LIPA: variants seen among roughly 807,000 people sequenced by gnomAD.
LIPA encodes the protein lipase A, lysosomal acid type, also known as lysosomal acid lipase/cholesteryl ester hydrolase.
In LIPA, 26 loss-of-function variants were observed where a neutral mutation model predicts 40.6. The ratio of observed to expected loss-of-function variants is 0.64; its 90% CI spans 0.47 to 0.89. The LOEUF (loss-of-function observed/expected upper bound fraction) is 0.89, where lower values mean the gene tolerates loss of function less well. Among genes scored for constraint, LIPA ranks in the 40% least tolerant of loss-of-function variants. The pLI is 0.00. For synonymous variants in LIPA, 188 were observed against 168.4 expected (o/e 1.12, Z -0.90); for missense variants, 455 against 479.6 (o/e 0.95, Z 0.48).
intron 1 of LIPA, chr10:89,284,306 T>A (rs2091369246): frequency 6.6e-6 from 1 of 152,250 alleles, no homozygotes; most frequent in African/African-American, 2.4e-5. Flanking sequence ...TGAGGCTATA[T>A]TCATCATAGA....
At chr10:89,331,924 C>T (rs986218371) in intron 1 of LIPA, among the ~76,000 whole-genome samples, 1 of 150,282 alleles carries the variant, frequency 6.7e-6, no homozygotes, top group Non-Finnish European at 1.5e-5. Flanking sequence ...ATGAGGTCTA[C>T]GTTTTAATAA....
intron 1 of LIPA, among the ~76,000 whole-genome samples, chr10:89,322,984 C>T (rs1316616310): frequency 6.6e-6 from 1 of 152,180 alleles, no homozygotes; most frequent in African/African-American, 2.4e-5. Context: ...CTCCTGTTGT[C>T]CTGGGAAACA....
chr10:89,396,991 T>C lies in LIPA; in HGVS notation c.61+15800A>G, dbSNP rs1336488679. 6.6e-5 allele frequency among the ~76,000 whole-genome samples: 10 copies of C among 152,356 alleles called. No individual in the cohort carries two copies. In the East Asian group the frequency reaches 1.9e-3, roughly 29 times the overall value. On this transcript the variant is annotated intron_variant, in intron 2 of 8. Coordinates refer to the LIPA transcript ENST00000371837. ...ATTTCTCCATACATGAGTAATCACA[T>C]ACATACAAATATATAAGGATTTGGT...
chr10:89,303,704 C>A lies in LIPA; in HGVS notation c.-2+38907G>T, dbSNP rs188366829. Among the ~76,000 whole-genome samples, 23 of 152,258 alleles carry A rather than the reference C, an allele frequency of 1.5e-4. 1 individual carries two copies. The highest frequency in any genetic ancestry group is 5.5e-4 in the African/African-American group (23 of 41,544). On this transcript the variant is annotated intron_variant, in intron 1 of 5. Transcript: ENST00000282673. Reference sequence around the variant, plus strand: ...TTTATGTTTTATATGGTGGAGATAACCTCAATTCTATTTACTCTCTCTGTT... The same window carrying A: ...TTTATGTTTTATATGGTGGAGATAAACTCAATTCTATTTACTCTCTCTGTT...
chr10:89,401,951 T>C (rs1844431660), intron 2 of LIPA, among the ~76,000 whole-genome samples: 1 of 152,226 alleles, frequency 6.6e-6, no homozygotes, highest in Admixed American at 6.5e-5. Flanking sequence ...AACTCTTATA[T>C]AGCATATAAT....
intron 1 of LIPA, among the ~76,000 whole-genome samples, chr10:89,317,710 C>T (rs889177952): frequency 1.2e-4 from 18 of 152,110 alleles, no homozygotes; most frequent in African/African-American, 4.1e-4. Flanking sequence ...TCAGGAAATA[C>T]GGAGAACGCC....
At chr10:89,385,364 G>A (rs574503286) in intron 2 of LIPA, among the ~76,000 whole-genome samples, 3 of 152,148 alleles carry the variant, frequency 2.0e-5, no homozygotes, top group African/African-American at 4.8e-5. Flanking sequence ...ATGTGTCTGC[G>A]GCAGGAGCAT....
intron 2 of LIPA, among the ~76,000 whole-genome samples, chr10:89,409,747 C>T (rs923241479): frequency 1.3e-5 from 2 of 152,216 alleles, no homozygotes; most frequent in Non-Finnish European, 2.9e-5. Context: ...AGCCTGTAAC[C>T]AGGTGTTTCT....
At chr10:89,376,441 C>T (rs1844122360) in intron 2 of LIPA, among the ~76,000 whole-genome samples, 2 of 152,132 alleles carry the variant, frequency 1.3e-5, no homozygotes, top group South Asian at 4.1e-4. Context: ...TGTGACGTTC[C>T]TTTTCTGGGT....
intron 3 of LIPA, among the ~76,000 whole-genome samples, chr10:89,232,427 C>T (rs1447008119): frequency 6.6e-6 from 1 of 152,202 alleles, no homozygotes; most frequent in Non-Finnish European, 1.5e-5. Context: ...AATCGTCTTC[C>T]CTCAGGATGG....
In LIPA at chr10:89,332,304, T is replaced by A. The variant is rs148082642; in HGVS notation, c.-2+10307A>T. Reference sequence around the variant, plus strand: ...CAGGGCTTAACTTTGCCTCTTGACATAACACATTTGGAAGCTTCTAAAATT... The same window carrying A: ...CAGGGCTTAACTTTGCCTCTTGACAAAACACATTTGGAAGCTTCTAAAATT... On this transcript the variant is annotated intron_variant, in intron 1 of 5. Coordinates refer to the LIPA transcript ENST00000282673. 2.1e-3 allele frequency among the ~76,000 whole-genome samples: 321 copies of A among 152,384 alleles called. 2 individuals carry two copies. Among genetic ancestry groups the A allele is most frequent in the African/African-American group, 7.3e-3 (302 of 41,600 alleles).
intron 1 of LIPA, among the ~76,000 whole-genome samples, chr10:89,329,243 T>C (rs1843626911): frequency 6.6e-6 from 1 of 152,118 alleles, no homozygotes; most frequent in Admixed American, 6.6e-5. Flanking sequence ...TGCAATGTCA[T>C]GTTTGGGGAT....
At chr10:89,264,508 C>A (rs916089684) in intron 1 of LIPA, among the ~76,000 whole-genome samples, 2 of 151,992 alleles carry the variant, frequency 1.3e-5, no homozygotes, top group Admixed American at 1.3e-4. Flanking sequence ...AGCAGGTAAT[C>A]CCAAGTGTGC....
intron 2 of LIPA, chr10:89,384,630 T>C (rs1322029843): frequency 2.8e-5 from 45 of 1,614,202 alleles, no homozygotes; most frequent in Non-Finnish European, 3.8e-5. Flanking sequence ...TTGTGGAAAG[T>C]GTCAGCCTCC....
intron 2 of LIPA, among the ~76,000 whole-genome samples, chr10:89,354,518 T>A (rs935501684): frequency 2.0e-5 from 3 of 151,966 alleles, no homozygotes; most frequent in African/African-American, 7.3e-5. Flanking sequence ...GGAGATGGAG[T>A]TCGTATTCAA....
At chr10:89,215,903 A>G in intron 9 of LIPA, 35 bp downstream of exon 9, 1 of 1,257,460 alleles carries the variant, frequency 8.0e-7, no homozygotes, top group Non-Finnish European at 1.2e-6. Flanking sequence ...ATGAGTTTTC[A>G]GGGCCCCCTT....
chr10:89,289,522 T>C (rs1230185456), intron 1 of LIPA, among the ~76,000 whole-genome samples: 2 of 152,188 alleles, frequency 1.3e-5, no homozygotes, highest in East Asian at 3.9e-4. Context: ...ACTGGATGGG[T>C]AGAGGCCTTT....
intron 1 of LIPA, chr10:89,293,678 A>ACGAGAGAGAG (rs563646884): frequency 0.081 from 10,259 of 126,150 alleles, 553 homozygotes; most frequent in Middle Eastern, 0.11. Context: ...TCTGTGTGAG[A>ACGAGAGAGAG]TGAGAGAGAG....
intron 1 of LIPA, among the ~76,000 whole-genome samples, chr10:89,265,710 T>C (rs1366829153): frequency 6.6e-6 from 1 of 152,262 alleles, no homozygotes; most frequent in Non-Finnish European, 1.5e-5. Context: ...GGTGCTTGAC[T>C]ATAGACAAAC....
Sources: gnomAD v4.1 joint callset for allele counts (sites outside exome capture counted in the v4.1 genomes callset) on GRCh38, gnomAD v4.1.1 for gene constraint, MANE v1.5 for transcripts, NCBI Gene and HGNC (gene_info 2026-07-23, HGNC 2026-07-21) for gene names.